Variants in FLT4 observed in about 807,000 individuals in gnomAD.
The protein encoded by FLT4 is fms related receptor tyrosine kinase 4.
FLT4 carries 30 observed loss-of-function variants against 163.2 expected under a neutral mutation model. The observed-to-expected ratio is 0.18, with a 90% CI of 0.14 to 0.25. FLT4 has a LOEUF of 0.25. Among genes scored for constraint, FLT4 ranks in the 10% least tolerant of loss-of-function variants. The probability of loss-of-function intolerance (pLI) is 1.00; values close to 1 mark genes in which losing one functional copy is unlikely to be tolerated. For synonymous variants in FLT4, 884 were observed against 789.5 expected, an observed-to-expected ratio of 1.12 and a Z score of -2.01; for missense variants, 1,510 against 1,863.8, an observed-to-expected ratio of 0.81 and a Z score of 3.50.
chr5:180,631,872 C>A lies in FLT4; in HGVS notation c.59-94G>T, dbSNP rs1443704318. 3.4e-6 allele frequency: 3 copies of A among 874,608 alleles called. 1 individual carries two copies. Among genetic ancestry groups the A allele is most frequent in the South Asian group, 2.7e-5 (2 of 73,024 alleles). The allele number at this position is 874,608 out of a possible 1,614,324, so 54.2% of individuals were successfully genotyped here. A position where few individuals can be genotyped will look rare whatever the true frequency, so the allele number is the denominator to read the frequency against. Reference sequence around the variant, plus strand: ...GGGCATTCTGCATCGCAAGCGCAGACCCCTGCAGGGCCGGAGCAGCTCAGG... The same window carrying A: ...GGGCATTCTGCATCGCAAGCGCAGAACCCTGCAGGGCCGGAGCAGCTCAGG... On this transcript the variant is annotated intron_variant, in intron 1 of 29. Coordinates refer to ENST00000261937, the MANE Select transcript of FLT4 (RefSeq NM_182925.5).
intron 1 of FLT4, among the ~76,000 whole-genome samples, chr5:180,640,882 C>T (rs1187716051): frequency 3.9e-5 from 6 of 152,196 alleles, no homozygotes; most frequent in Non-Finnish European, 5.9e-5. Flanking sequence ...GCCCTCTCTA[C>T]GGGGCAGTGT....
intron 1 of FLT4, 130 bp downstream of exon 1, chr5:180,649,358 T>C (rs1765637232): frequency 1.7e-6 from 1 of 596,696 alleles, no homozygotes. Flanking sequence ...CCCTCAGGCG[T>C]CCGCGCACCA....
chr5:180,626,317 C>G (rs1581665680), intron 8 of FLT4, 52 bp from the exon 9 acceptor site: 3 of 1,594,512 alleles, frequency 1.9e-6, no homozygotes, highest in Non-Finnish European at 1.7e-6. Flanking sequence ...ACAGCCCCAA[C>G]CTCATGCTGG....
Position 180,636,667 on chromosome 5 carries a change from A to G in FLT4, c.59-4889T>C, listed in dbSNP as rs1764714930. The stretch of plus-strand genomic sequence containing the variant: ...CGGCCCTCACATCTTCTCCTCCTGA[A>G]TCACTCAGTTCTGTGGGCGCATCCT... On this transcript the variant is annotated intron_variant, in intron 1 of 29. Coordinates refer to ENST00000261937, the MANE Select transcript of FLT4 (RefSeq NM_182925.5). This position sits in a 1 kb window ranked among gnomAD's most constrained non-coding sequence, Gnocchi z 4.3. Among the ~76,000 whole-genome samples the G allele has an allele frequency of 6.6e-6, 1 of 151,408 alleles. No homozygotes were observed. Among genetic ancestry groups the G allele is most frequent in the Admixed American group, 6.6e-5 (1 of 15,208 alleles).
In FLT4 at chr5:180,625,748, G is replaced by C. The variant is rs1763551343; in HGVS notation, c.1421+121C>G. 7 of 910,468 alleles carry C rather than the reference G, an allele frequency of 7.7e-6. No individual in the cohort carries two copies. In the South Asian group the frequency reaches 1.0e-4, roughly 13 times the overall value. The allele number at this position is 910,468 out of a possible 1,614,324, so 56.4% of individuals were successfully genotyped here. ...GAAGGTAGGGTTCAAGTTCAGAGCA[G>C]GGCCCTGAGAAGGGGTACAGGGAAG... On this transcript the variant is annotated intron_variant, in intron 10 of 29. Transcript: ENST00000261937.
At chr5:180,605,141 T>C (rs1193206009) in intron 29 of FLT4, among the ~76,000 whole-genome samples, 4 of 152,216 alleles carry the variant, frequency 2.6e-5, no homozygotes, top group Non-Finnish European at 1.5e-5. Flanking sequence ...TTAAAATTAC[T>C]ATTTGTAGAG....
rs1317858229 is a variant in FLT4 at position 180,603,065 on chromosome 5, G to C, written c.*127C>G. Reference sequence around the variant, plus strand: ...GCTCTTCCTAGCTGGGAAGTCTGCAGAGAGGGAAGAGGACACTCCTGTGCC... The same window carrying C: ...GCTCTTCCTAGCTGGGAAGTCTGCACAGAGGGAAGAGGACACTCCTGTGCC... On this transcript the variant is annotated 3_prime_UTR_variant, in exon 30 of 30. Transcript: ENST00000261937. The C allele has an allele frequency of 1.1e-6, 1 of 912,210 alleles. No homozygotes were observed. The highest frequency in any genetic ancestry group is 2.6e-5 in the East Asian group (1 of 38,498). 56.5% of individuals were successfully genotyped at this position (912,210 alleles called of 1,614,324 possible). A position where few individuals can be genotyped will look rare whatever the true frequency, so the allele number is the denominator to read the frequency against.
chr5:180,614,572 C>T (rs1338650504), intron 23 of FLT4, among the ~76,000 whole-genome samples: 1 of 152,078 alleles, frequency 6.6e-6, no homozygotes, highest in East Asian at 1.9e-4. Context: ...ACTCACTGTC[C>T]CCACCCTGGA....
intron 28 of FLT4, 141 bp from the exon 29 acceptor site, chr5:180,609,194 A>G: frequency 4.2e-6 from 3 of 717,928 alleles, no homozygotes; most frequent in Non-Finnish European, 7.6e-6. Context: ...GCCAGAAACA[A>G]GGCGTCCATT....
intron 1 of FLT4, among the ~76,000 whole-genome samples, chr5:180,634,722 C>A: frequency 1.6e-5 from 2 of 128,896 alleles, no homozygotes; most frequent in Admixed American, 8.2e-5. Flanking sequence ...AAAGAATGGT[C>A]AGATGGATGA....
intron 27 of FLT4, among the ~76,000 whole-genome samples, chr5:180,610,848 G>A (rs1206698553): frequency 6.6e-6 from 1 of 152,232 alleles, no homozygotes; most frequent in Non-Finnish European, 1.5e-5. Flanking sequence ...ACGAGGTCAG[G>A]AGATCGAGAC....
At chr5:180,605,082 T>C (rs1292652402) in intron 29 of FLT4, among the ~76,000 whole-genome samples, 1 of 152,248 alleles carries the variant, frequency 6.6e-6, no homozygotes, top group African/African-American at 2.4e-5. Flanking sequence ...CACCTCAGCC[T>C]GCTGAGCGGC....
In FLT4 at chr5:180,626,222, C is replaced by A. The variant is rs751605818; in HGVS notation, c.1147G>T (p.Ala383Ser). Residue 383 changes from alanine (A) to serine (S), a missense_variant, in exon 9 of 30, where the codon GCC becomes TCC. Physicochemically the swap from Ala to Ser is moderately conservative, Grantham distance 99. Around this residue, in one of 5 missense-constraint regions of FLT4, gnomAD observed 878 missense variants for 1,016.7 expected, o/e 0.86. Transcript: ENST00000261937. Reference protein sequence around the residue: ...KALSGRHSPHALVLKEVTEAS... With the variant: ...KALSGRHSPHSLVLKEVTEAS... ...TCTGTCACCTCCTTGAGCACCAGGG[C>A]ATGTGGACTGTGGCGCCCGGACAGT... is the stretch of plus-strand genomic sequence containing the variant. 6.2e-7 allele frequency: 1 copy of A among 1,612,810 alleles called. No homozygotes were observed. Among genetic ancestry groups the A allele is most frequent in the Non-Finnish European group, 8.5e-7 (1 of 1,180,006 alleles).
intron 1 of FLT4, among the ~76,000 whole-genome samples, chr5:180,632,627 T>C (rs1764273304): frequency 1.4e-5 from 1 of 69,412 alleles, no homozygotes; most frequent in Non-Finnish European, 3.4e-5. Flanking sequence ...TGTGTGTGTG[T>C]GTGTGTGTGC....
chr5:180,602,503 T>C lies in FLT4; in HGVS notation c.*689A>G, dbSNP rs1761565736. 2.5e-6 allele frequency: 1 copy of C among 398,838 alleles called. No homozygotes were observed. The highest frequency in any genetic ancestry group is 6.3e-4 in the Middle Eastern group (1 of 1,588). The allele number at this position is 398,838 out of a possible 1,614,324, so 24.7% of individuals were successfully genotyped here. On this transcript the variant is annotated 3_prime_UTR_variant, in exon 30 of 30. Coordinates refer to ENST00000261937, the MANE Select transcript of FLT4 (RefSeq NM_182925.5). ...GCAGCTCTAACAGTCTGTGAAGTTC[T>C]GTTGAAAAAGACTTGCAGGATGGCT...
intron 1 of FLT4, among the ~76,000 whole-genome samples, chr5:180,641,181 C>G (rs912791282): frequency 2.6e-5 from 4 of 152,322 alleles, no homozygotes; most frequent in African/African-American, 9.6e-5. Flanking sequence ...AAACTGCTGC[C>G]CCCAGCTGAG....
At position 180,620,669 on chromosome 5, in the gene FLT4, G is replaced by C. The variant is rs200449328; in HGVS notation, c.2346C>G (p.Thr782=). The change falls in exon 16 of 30, where the codon ACC becomes ACG. Residue 782 remains threonine, a synonymous_variant. Transcript: ENST00000261937. The surrounding 1 kb of genome is among the most constrained non-coding windows in gnomAD (Gnocchi z 4.4). ...CCCAGAAGAAGACAGCGATGACGCC[G>C]GTACCGACAAGGATCACGATCTCCA... ...GSMEIVILVG[T]GVIAVFFWVL... The C allele has an allele frequency of 8.2e-5, 133 of 1,613,540 alleles. No homozygotes were observed. In the East Asian group the frequency reaches 2.9e-3, roughly 36 times the overall value.
In FLT4 at chr5:180,623,505, G is replaced by A. The variant is rs1356045782; in HGVS notation, c.1548+430C>T. On this transcript the variant is annotated intron_variant, in intron 11 of 29. Coordinates refer to ENST00000261937, the MANE Select transcript of FLT4 (RefSeq NM_182925.5). This position sits in a 1 kb window ranked among gnomAD's most constrained non-coding sequence, Gnocchi z 5.8. ...GAACAGGAAGAGGCTCTGGAGGTGT[G>A]TAGGAAAACAGGAAGTGACTGGAGG... Among the ~76,000 whole-genome samples, 1 of 151,798 alleles carries A rather than the reference G, an allele frequency of 6.6e-6. No individual in the cohort carries two copies. Among genetic ancestry groups the A allele is most frequent in the African/African-American group, 2.4e-5 (1 of 41,346 alleles).
intron 21 of FLT4, 122 bp downstream of exon 21, chr5:180,618,648 C>T: frequency 9.4e-7 from 1 of 1,065,696 alleles, no homozygotes; most frequent in South Asian, 1.4e-5. Flanking sequence ...CTTCCTAAGG[C>T]AGAGCCCATT....
Sources: gnomAD v4.1 joint callset for allele counts (sites outside exome capture counted in the v4.1 genomes callset) on GRCh38, gnomAD v4.1.1 for gene constraint, gnomAD v4.1.1 regional missense constraint, Gnocchi (gnomAD v3.1) non-coding constraint, MANE v1.5 for transcripts, NCBI Gene and HGNC (gene_info 2026-07-23, HGNC 2026-07-21) for gene names.